The following MNAT1 variants were observed in gnomAD, a reference collection of about 807,000 sequenced individuals.
The protein encoded by MNAT1 is CDK-activating kinase assembly factor MAT1.
A neutral mutation model predicts 42.0 loss-of-function variants in MNAT1; 43 were observed. That is an observed-to-expected ratio of 1.02 (90% confidence interval 0.80 to 1.32). The LOEUF (loss-of-function observed/expected upper bound fraction) is 1.32. MNAT1 is among the 40% of genes most tolerant of loss of function. The pLI is 0.00. For missense variants in MNAT1, 306 were observed against 350.4 expected, an observed-to-expected ratio of 0.87 and a Z score of 1.01; for synonymous variants, 118 against 120.0, an observed-to-expected ratio of 0.98 and a Z score of 0.11.
intron 7 of MNAT1, chr14:60,920,195 C>G (rs72722300): frequency 1.3e-5 from 2 of 151,868 alleles, no homozygotes; most frequent in African/African-American, 2.4e-5. Context: ...CAGCAGAGCC[C>G]AAGCCCACCA....
chr14:60,739,353 C>T (rs541788843), intron 1 of MNAT1, among the ~76,000 whole-genome samples: 23 of 151,718 alleles, frequency 1.5e-4, no homozygotes, highest in African/African-American at 5.1e-4. Context: ...ATTGGGCTAT[C>T]TTGAAGGCTG....
intron 1 of MNAT1, among the ~76,000 whole-genome samples, chr14:60,793,866 C>T (rs1003809094): frequency 6.6e-6 from 1 of 151,808 alleles, no homozygotes; most frequent in Non-Finnish European, 1.5e-5. Context: ...AAAAAATATT[C>T]TTTTCACAGT....
intron 6 of MNAT1, among the ~76,000 whole-genome samples, chr14:60,843,970 A>G (rs921234102): frequency 2.0e-5 from 3 of 152,142 alleles, no homozygotes; most frequent in South Asian, 2.1e-4. Context: ...TGTATGGTAT[A>G]CAGTACCTGT....
chr14:60,931,064 G>A (rs2139569691), intron 7 of MNAT1, among the ~76,000 whole-genome samples: 1 of 152,272 alleles, frequency 6.6e-6, no homozygotes, highest in South Asian at 2.1e-4. Flanking sequence ...GTAAAATAAA[G>A]TGCCAAAATA....
At chr14:60,770,051 C>T (rs950885320) in intron 1 of MNAT1, among the ~76,000 whole-genome samples, 6 of 152,104 alleles carry the variant, frequency 3.9e-5, no homozygotes, top group African/African-American at 9.7e-5. Flanking sequence ...ACTTTTTCAT[C>T]TTGTAAAACT....
chr14:60,860,462 C>G (rs1188500560), intron 6 of MNAT1, among the ~76,000 whole-genome samples: 3 of 149,720 alleles, frequency 2.0e-5, no homozygotes, highest in East Asian at 2.0e-4. Context: ...ACGCCATTCT[C>G]TTGTCTCAGC....
rs555676679 is a variant in MNAT1, at chr14:60,772,889, C to A, written c.90-23328C>A. Among the ~76,000 whole-genome samples, 81 of 148,528 alleles carry A rather than the reference C, an allele frequency of 5.5e-4. 1 individual carries two copies. Among genetic ancestry groups the A allele is most frequent in the African/African-American group, 1.9e-3 (78 of 40,568 alleles). On this transcript the variant is annotated intron_variant, in intron 1 of 7. Transcript: ENST00000261245. ...TAAGGAAGGCAAAGTCCAAGAGCTG[C>A]TGTTTTTTTTTTTTAATTTTTTAAA...
chr14:60,881,633 G>A, intron 7 of MNAT1, among the ~76,000 whole-genome samples: 1 of 151,882 alleles, frequency 6.6e-6, no homozygotes, highest in Non-Finnish European at 1.5e-5. Context: ...AGATAGAGAA[G>A]ATTTTTTTAA....
rs764030962 is a variant in MNAT1 at position 60,812,127 on chromosome 14, G to A, written c.561G>A (p.Leu187=). 1 of 1,576,530 alleles carries A rather than the reference G, an allele frequency of 6.3e-7. No individual in the cohort carries two copies. The highest frequency in any genetic ancestry group is 1.9e-5 in the Admixed American group (1 of 52,052). Residue 187 remains leucine (L), a splice_region_variant and synonymous_variant, in exon 5 of 8, where the codon CTG becomes CTA. Coordinates refer to ENST00000261245, the MANE Select transcript of MNAT1 (RefSeq NM_002431.4). ...ATAAGCAGGCTTTTTTAGATGAGCT[G>A]GTATGTATTAATGCTAATTGTGATT... The part of the protein sequence containing the change: ...RKNKQAFLDE[L]ESSDLPVALL...
rs2032017760 is a variant in MNAT1 at position 60,796,311 on chromosome 14, C to T, written c.184C>T (p.Leu62Phe). Residue 62 changes from leucine to phenylalanine, a missense_variant, in exon 2 of 8, where the codon CTC (leucine) becomes TTC (phenylalanine). Leu to Phe is a conservative substitution (Grantham distance 22, BLOSUM62 0). Transcript: ENST00000261245. ...CAGAAAGAGCAACTTCAGGGTACAA[C>T]TCTTTGAAGATCCCACTGTTGACAA... is the stretch of plus-strand genomic sequence containing the variant. ...PLRKSNFRVQ[L>F]FEDPTVDKEV... is the part of the protein sequence containing the mutation. 1.2e-6 allele frequency: 2 copies of T among 1,613,528 alleles called. No homozygotes were observed. The highest frequency in any genetic ancestry group is 1.3e-5 in the African/African-American group (1 of 74,890).
At position 60,827,468 on chromosome 14, in the gene MNAT1, A is replaced by C. The variant is rs188530387; in HGVS notation, c.687+8621A>C. The stretch of plus-strand genomic sequence containing the variant: ...AGATCTAACCTTGATAAAATATGTG[A>C]GTTATAGAAAATTAATACCCGTTCG... On this transcript the variant is annotated intron_variant, in intron 6 of 7. Transcript: ENST00000261245. Among the ~76,000 whole-genome samples, 30 of 152,276 alleles carry C rather than the reference A, an allele frequency of 2.0e-4. No individual in the cohort carries two copies. The East Asian group carries it at 5.6e-3, about 28-fold the overall frequency.
Position 60,846,391 on chromosome 14 carries a change from T to A in MNAT1, c.687+27544T>A, listed in dbSNP as rs191795638. On this transcript the variant is annotated intron_variant, in intron 6 of 7. Transcript: ENST00000261245. ...AATCAACCTTGGTTTTAAGAATTTT[T>A]AAAAAATTTTTTTTGATTTCCATTT... Among the ~76,000 whole-genome samples the A allele has an allele frequency of 7.8e-4, 118 of 152,214 alleles. 1 individual carries two copies. The highest frequency in any genetic ancestry group is 6.8e-4 in the Non-Finnish European group (46 of 67,996).
At chr14:60,946,845 C>G (rs2036286011) in intron 7 of MNAT1, among the ~76,000 whole-genome samples, 1 of 152,196 alleles carries the variant, frequency 6.6e-6, no homozygotes, top group South Asian at 2.1e-4. Context: ...TAACCAAATA[C>G]CACACACTCA....
At chr14:60,812,451 C>T (rs2032582426) in intron 5 of MNAT1, among the ~76,000 whole-genome samples, 1 of 152,192 alleles carries the variant, frequency 6.6e-6, no homozygotes, top group South Asian at 2.1e-4. Context: ...AGCCAAATGC[C>T]TAGGCAGATA....
intron 6 of MNAT1, among the ~76,000 whole-genome samples, chr14:60,858,976 C>T (rs995838950): frequency 2.0e-5 from 3 of 152,156 alleles, no homozygotes; most frequent in Non-Finnish European, 2.9e-5. Flanking sequence ...ACAACCGAAC[C>T]TGCAATATCT....
chr14:60,921,199 T>C (rs1251440345), intron 7 of MNAT1, among the ~76,000 whole-genome samples: 1 of 152,178 alleles, frequency 6.6e-6, no homozygotes, highest in Non-Finnish European at 1.5e-5. Flanking sequence ...ATAGAGATTA[T>C]GATAATTTAA....
intron 6 of MNAT1, among the ~76,000 whole-genome samples, chr14:60,845,832 A>G (rs1566791698): frequency 1.3e-5 from 2 of 152,158 alleles, no homozygotes; most frequent in East Asian, 3.9e-4. Context: ...TTTGTGCTTC[A>G]TCCTTGTTTT....
At chr14:60,736,967 A>G (rs886779945) in intron 1 of MNAT1, among the ~76,000 whole-genome samples, 4 of 152,166 alleles carry the variant, frequency 2.6e-5, no homozygotes, top group Admixed American at 2.0e-4. Flanking sequence ...CTTGCACAAT[A>G]ATGATTAGCT....
At chr14:60,806,567 C>T (rs913821684) in intron 3 of MNAT1, among the ~76,000 whole-genome samples, 6 of 152,176 alleles carry the variant, frequency 3.9e-5, no homozygotes, top group Non-Finnish European at 7.4e-5. Context: ...TGGTGGCTCA[C>T]GCCAGTAATC....
Sources: gnomAD v4.1 joint callset for allele counts (sites outside exome capture counted in the v4.1 genomes callset) on GRCh38, gnomAD v4.1.1 for gene constraint, MANE v1.5 for transcripts, NCBI Gene and HGNC (gene_info 2026-07-23, HGNC 2026-07-21) for gene names.